RFC3: variants seen among roughly 807,000 people sequenced by gnomAD.
RFC3 encodes the protein replication factor C subunit 3.
In RFC3, 41 loss-of-function variants were observed where a neutral mutation model predicts 45.1. The ratio of observed to expected loss-of-function variants is 0.91; its 90% CI spans 0.71 to 1.18. The LOEUF is 1.18. Ranked by LOEUF, RFC3 falls within the 50% of genes most tolerant of loss-of-function variation. RFC3 has a pLI of 0.00. For missense variants in RFC3, 423 were observed against 428.1 expected (o/e 0.99, Z 0.10); for synonymous variants, 149 against 144.0 (o/e 1.03, Z -0.25).
intron 3 of RFC3, among the ~76,000 whole-genome samples, chr13:33,824,358 C>T (rs1057319672): frequency 6.6e-6 from 1 of 152,008 alleles, no homozygotes. Flanking sequence ...CTTTGGGTTG[C>T]CAAATCTTTC....
At chr13:33,898,692 TAAC>T (rs752902868) in intron 8 of RFC3, among the ~76,000 whole-genome samples, 2 of 151,268 alleles carry the variant, frequency 1.3e-5, no homozygotes, top group African/African-American at 4.8e-5. Flanking sequence ...ACTAAAAAAA[TAAC>T]AAAAAATCAA....
At chr13:33,932,510 A>G (rs574529279) in intron 8 of RFC3, among the ~76,000 whole-genome samples, 1 of 152,240 alleles carries the variant, frequency 6.6e-6, no homozygotes, top group South Asian at 2.1e-4. Context: ...TGCAAGTACT[A>G]AAATGTGTTA....
At chr13:33,830,121 C>T (rs2082088545) in intron 5 of RFC3, 104 bp downstream of exon 5, 1 of 967,484 alleles carries the variant, frequency 1.0e-6, no homozygotes, top group Admixed American at 2.3e-5. Flanking sequence ...TTAAGAACAC[C>T]TACAGACCTG....
downstream of RFC3, among the ~76,000 whole-genome samples, chr13:33,838,599 TA>T (rs2082175100): frequency 6.6e-6 from 1 of 152,168 alleles, no homozygotes; most frequent in African/African-American, 2.4e-5. Context: ...TGGCTTTTAG[TA>T]GTGTATGATA....
At chr13:33,963,822 A>T (rs1261313349) in intron 8 of RFC3, among the ~76,000 whole-genome samples, 1 of 152,252 alleles carries the variant, frequency 6.6e-6, no homozygotes, top group African/African-American at 2.4e-5. Context: ...GCCACAGGAA[A>T]GATATGAAAG....
intron 1 of RFC3, among the ~76,000 whole-genome samples, 165 bp downstream of exon 1, chr13:33,818,430 A>G (rs2081968863): frequency 2.0e-5 from 3 of 152,252 alleles, no homozygotes; most frequent in South Asian, 4.1e-4. Flanking sequence ...GCTGGCTTGT[A>G]TTTTTAAACA....
intron 8 of RFC3, among the ~76,000 whole-genome samples, chr13:33,877,964 G>A (rs1301445028): frequency 6.6e-6 from 1 of 151,576 alleles, no homozygotes; most frequent in Non-Finnish European, 1.5e-5. Context: ...TTCTACTCAG[G>A]ACTGTGAGAT....
At chr13:33,825,642 T>C (rs1036705914) in intron 3 of RFC3, 147 bp from the exon 4 acceptor site, 23 of 413,600 alleles carry the variant, frequency 5.6e-5, no homozygotes, top group African/African-American at 3.3e-4. Flanking sequence ...TCAATGACCC[T>C]AAAACTTTTT....
chr13:33,906,941 A>G (rs992081193), intron 8 of RFC3, among the ~76,000 whole-genome samples: 1 of 152,002 alleles, frequency 6.6e-6, no homozygotes, highest in Non-Finnish European at 1.5e-5. Context: ...TGGTCTTTCC[A>G]CCTCAGCCTC....
At chr13:33,877,558 T>C (rs1014062612) in intron 8 of RFC3, among the ~76,000 whole-genome samples, 2 of 152,138 alleles carry the variant, frequency 1.3e-5, no homozygotes, top group Non-Finnish European at 2.9e-5. Context: ...CTGTTTGTCA[T>C]TATAAAGCCA....
the RFC3 span, among the ~76,000 whole-genome samples, chr13:33,973,534 G>T: frequency 6.6e-6 from 1 of 152,120 alleles, no homozygotes; most frequent in Non-Finnish European, 1.5e-5. Context: ...CTGAAAGGAA[G>T]GGTGAAGACT....
chr13:33,841,079 A>C (rs1566389585), downstream of RFC3, among the ~76,000 whole-genome samples: 1 of 152,190 alleles, frequency 6.6e-6, no homozygotes, highest in Admixed American at 6.5e-5. Flanking sequence ...CAGATCAGCA[A>C]CAGCATTAGA....
chr13:33,866,152 A>G (rs2082372197), intron 8 of RFC3, among the ~76,000 whole-genome samples: 1 of 152,212 alleles, frequency 6.6e-6, no homozygotes. Context: ...TGGTTCCCCT[A>G]ACTACATCCT....
At chr13:33,879,295 T>C (rs2082467223) in intron 8 of RFC3, among the ~76,000 whole-genome samples, 1 of 152,244 alleles carries the variant, frequency 6.6e-6, no homozygotes, top group African/African-American at 2.4e-5. Context: ...TGAATTTCCT[T>C]TTCTAATGTT....
At chr13:33,842,747 T>A (rs1291919985) in intron 8 of RFC3, among the ~76,000 whole-genome samples, 1 of 152,206 alleles carries the variant, frequency 6.6e-6, no homozygotes, top group Non-Finnish European at 1.5e-5. Context: ...GCTTTATATA[T>A]TTTGTCCAGT....
Position 33,962,565 on chromosome 13 carries a change from A to G in RFC3, c.880-3522A>G, listed in dbSNP as rs562164781. On this transcript the variant is annotated intron_variant, in intron 8 of 8. Coordinates refer to the RFC3 transcript ENST00000434425. ...GGGCATATCCTAAGGAACCAATCAG[A>G]GGCCAAATATTTATGTTCACTGATG... 7.1e-4 allele frequency among the ~76,000 whole-genome samples: 108 copies of G among 152,364 alleles called. 1 individual carries two copies. The highest frequency in any genetic ancestry group is 2.6e-3 in the African/African-American group (107 of 41,584).
chr13:33,887,666 C>T (rs890632715), intron 8 of RFC3, among the ~76,000 whole-genome samples: 3 of 152,174 alleles, frequency 2.0e-5, no homozygotes, highest in Admixed American at 6.5e-5. Context: ...GCTTTAGTTG[C>T]CATTGCTTTT....
At chr13:33,904,784 C>G (rs374084064) in intron 8 of RFC3, among the ~76,000 whole-genome samples, 1 of 152,046 alleles carries the variant, frequency 6.6e-6, no homozygotes, top group Non-Finnish European at 1.5e-5. Flanking sequence ...CTCAGAACAC[C>G]GTTTCCTCAG....
chr13:33,852,472 T>C (rs1438750938), intron 8 of RFC3, among the ~76,000 whole-genome samples: 3 of 152,186 alleles, frequency 2.0e-5, no homozygotes, highest in East Asian at 1.9e-4. Context: ...TGAATCTGTT[T>C]TGTTGATCTC....
Sources: allele counts gnomAD v4.1 joint callset (sites outside exome capture counted in the v4.1 genomes callset), GRCh38; gene constraint gnomAD v4.1.1; transcripts MANE v1.5; gene names NCBI Gene and HGNC (gene_info 2026-07-23, HGNC 2026-07-21).